The following XKR5 variants were observed in gnomAD, a reference collection of about 807,000 sequenced individuals.
XKR5 encodes the protein XK related 5, also known as XK-related protein 5.
In XKR5, 46 loss-of-function variants were observed where a neutral mutation model predicts 40.8. That is an observed-to-expected ratio of 1.13 (90% CI 0.89 to 1.44). The LOEUF is 1.44. XKR5 is among the 40% of genes most tolerant of loss of function. The pLI is 0.00. For synonymous variants in XKR5, 466 were observed against 356.1 expected, an observed-to-expected ratio of 1.31 and a Z score of -3.48; for missense variants, 1,169 against 844.7, an observed-to-expected ratio of 1.38 and a Z score of -4.76.
At position 6,827,200 on chromosome 8, in the gene XKR5, C is replaced by T. The variant is rs562240371; in HGVS notation, c.243-1851G>A. On this transcript the variant is annotated intron_variant, in intron 2 of 6. Transcript: ENST00000618742. ...ACCACCCACCAATTCCTCTCTGGGT[C>T]TACCTAGCAGCAGCAATAAGGAGAT... is the stretch of plus-strand genomic sequence containing the variant. 5.3e-5 allele frequency among the ~76,000 whole-genome samples: 8 copies of T among 152,298 alleles called. No homozygotes were observed. In the South Asian group the frequency reaches 1.7e-3, roughly 32 times the overall value.
Position 6,829,493 on chromosome 8 carries a change from A to C in XKR5, c.242+3224T>G, listed in dbSNP as rs118129048. Among the ~76,000 whole-genome samples the C allele has an allele frequency of 1.9e-4, 29 of 152,304 alleles. No individual in the cohort carries two copies. The East Asian group carries it at 5.2e-3, about 27-fold the overall frequency. ...TGGGAACGTTAAAAAGAATACACTT[A>C]TGGCTTAAATCCTTGCCTTTTTATA... On this transcript the variant is annotated intron_variant, in intron 2 of 6. Transcript: ENST00000618742.
intron 2 of XKR5, among the ~76,000 whole-genome samples, chr8:6,827,608 A>T (rs1051870680): frequency 6.6e-6 from 1 of 152,208 alleles, no homozygotes; most frequent in Non-Finnish European, 1.5e-5. Context: ...CATAAACTTA[A>T]TGTTAAGAAA....
intron 2 of XKR5, among the ~76,000 whole-genome samples, chr8:6,827,297 T>C (rs2980957): frequency 1.3e-5 from 2 of 151,960 alleles, no homozygotes; most frequent in Admixed American, 1.3e-4. Flanking sequence ...TCTTGTTCAA[T>C]TTAAGAACTA....
At chr8:6,829,474 C>T (rs187289204) in intron 2 of XKR5, among the ~76,000 whole-genome samples, 11 of 152,246 alleles carry the variant, frequency 7.2e-5, no homozygotes, top group African/African-American at 2.4e-4. Flanking sequence ...TTATTGGGAA[C>T]GTTAAAAAGA....
chr8:6,828,694 G>C (rs1193109458), intron 2 of XKR5, among the ~76,000 whole-genome samples: 1 of 152,176 alleles, frequency 6.6e-6, no homozygotes, highest in Non-Finnish European at 1.5e-5. Context: ...CTGGCTGCCT[G>C]CATGGACCCC....
At chr8:6,823,762 C>G (rs545190174) in intron 3 of XKR5, 32 bp from the exon 4 acceptor site, 15 of 1,513,974 alleles carry the variant, frequency 9.9e-6, no homozygotes, top group Non-Finnish European at 1.3e-5. Flanking sequence ...GTGGTATGCT[C>G]TGAAGATTCC....
rs183898400 is a variant in XKR5 at position 6,825,465 on chromosome 8, C to G, written c.243-116G>C. ...AGCAATATCCTATGCCCTTACTAGT[C>G]ACCTAGAGTTACTAGTTAGGCTGTT... is the stretch of plus-strand genomic sequence containing the variant. On this transcript the variant is annotated intron_variant, in intron 2 of 6. Transcript: ENST00000618742. The G allele has an allele frequency of 6.3e-5, 62 of 984,320 alleles. No individual in the cohort carries two copies. The East Asian group carries it at 1.5e-3, about 23-fold the overall frequency. 61.0% of individuals were successfully genotyped at this position (984,320 alleles called of 1,614,324 possible). A position where few individuals can be genotyped will look rare whatever the true frequency, so the allele number is the denominator to read the frequency against.
intron 6 of XKR5, among the ~76,000 whole-genome samples, chr8:6,813,706 C>T (rs1188801552): frequency 6.6e-6 from 1 of 152,148 alleles, no homozygotes; most frequent in Non-Finnish European, 1.5e-5. Flanking sequence ...GTGCTGAGTG[C>T]TGCCCGTGGC....
At chr8:6,827,540 T>A (rs1047338891) in intron 2 of XKR5, among the ~76,000 whole-genome samples, 1 of 152,218 alleles carries the variant, frequency 6.6e-6, no homozygotes, top group Non-Finnish European at 1.5e-5. Flanking sequence ...ACAACTTTCC[T>A]TTTTCATGAT....
intron 4 of XKR5, among the ~76,000 whole-genome samples, chr8:6,822,979 G>C (rs1007416704): frequency 6.6e-6 from 1 of 152,204 alleles, no homozygotes; most frequent in Non-Finnish European, 1.5e-5. Flanking sequence ...CCTCCCTCCT[G>C]TTTCAGTGAC....
intron 1 of XKR5, among the ~76,000 whole-genome samples, chr8:6,835,114 G>C (rs752782255): frequency 6.6e-6 from 1 of 152,054 alleles, no homozygotes; most frequent in Admixed American, 6.5e-5. Flanking sequence ...CCCTGCTTCT[G>C]CGAGGGGATC....
At chr8:6,812,364 A>T in intron 6 of XKR5, 25 bp from the exon 7 acceptor site, 1 of 1,519,494 alleles carries the variant, frequency 6.6e-7, no homozygotes, top group Non-Finnish European at 8.8e-7. Flanking sequence ...AAAGACCACA[A>T]GGTTATGTTC....
intron 2 of XKR5, among the ~76,000 whole-genome samples, chr8:6,826,135 TTGTG>T (rs202049620): frequency 8.5e-5 from 13 of 152,144 alleles, no homozygotes; most frequent in African/African-American, 2.4e-4. Context: ...GTACATGTGC[TTGTG>T]TGTGTGTGTA....
At chr8:6,818,139 A>G (rs1804046643) in intron 5 of XKR5, among the ~76,000 whole-genome samples, 1 of 152,202 alleles carries the variant, frequency 6.6e-6, no homozygotes, top group African/African-American at 2.4e-5. Flanking sequence ...GCTTTTAACT[A>G]GCGCAGGGCT....
In XKR5 at chr8:6,825,442, C is replaced by A. The variant is rs1241723375; in HGVS notation, c.243-93G>T. On this transcript the variant is annotated intron_variant, in intron 2 of 6. Transcript: ENST00000618742. Reference sequence around the variant, plus strand: ...ATTTAGAGACATACTACATGCTAAGCAATATCCTATGCCCTTACTAGTCAC... The same window carrying A: ...ATTTAGAGACATACTACATGCTAAGAAATATCCTATGCCCTTACTAGTCAC... The A allele has an allele frequency of 3.8e-6, 5 of 1,307,680 alleles. No individual in the cohort carries two copies. The African/African-American group carries it at 7.5e-5, about 20-fold the overall frequency. 81.0% of individuals were successfully genotyped at this position (1,307,680 alleles called of 1,614,324 possible). A position where few individuals can be genotyped will look rare whatever the true frequency, so the allele number is the denominator to read the frequency against.
chr8:6,829,024 C>G (rs1338785532), intron 2 of XKR5: 1 of 152,212 alleles, frequency 6.6e-6, no homozygotes, highest in East Asian at 1.9e-4. Context: ...CTGTTCCCTC[C>G]CTACATTGAT....
At chr8:6,818,103 TAC>T (rs1804044387) in intron 5 of XKR5, among the ~76,000 whole-genome samples, 6 of 152,240 alleles carry the variant, frequency 3.9e-5, no homozygotes, top group Admixed American at 3.3e-4. Flanking sequence ...CCTATGGCGA[TAC>T]ACTCAGTGCA....
chr8:6,833,596 TA>T (rs1460801003), intron 1 of XKR5, among the ~76,000 whole-genome samples: 8 of 152,182 alleles, frequency 5.3e-5, no homozygotes, highest in Non-Finnish European at 7.3e-5. Context: ...GTGCCTGTAA[TA>T]CCAGCTACTC....
At chr8:6,818,534 A>G (rs555396845) in intron 5 of XKR5, among the ~76,000 whole-genome samples, 7 of 152,354 alleles carry the variant, frequency 4.6e-5, no homozygotes, top group African/African-American at 1.4e-4. Flanking sequence ...AAGAAGTGAG[A>G]CGGGGTCTTA....
Sources: gnomAD v4.1 joint callset for allele counts (sites outside exome capture counted in the v4.1 genomes callset) on GRCh38, gnomAD v4.1.1 for gene constraint, MANE v1.5 for transcripts, NCBI Gene and HGNC (gene_info 2026-07-23, HGNC 2026-07-21) for gene names.